EZH2: variants seen among roughly 807,000 people sequenced by gnomAD.
EZH2 encodes the protein enhancer of zeste 2 polycomb repressive complex 2 subunit.
A neutral mutation model predicts 98.4 loss-of-function variants in EZH2; 18 were observed. That is an observed-to-expected ratio of 0.18 (90% CI 0.13 to 0.27). EZH2 has a LOEUF of 0.27. Among genes scored for constraint, EZH2 ranks in the 10% least tolerant of loss-of-function variants. EZH2 has a pLI of 1.00. For missense variants in EZH2, 470 were observed against 935.1 expected, an observed-to-expected ratio of 0.50 and a Z score of 6.49; for synonymous variants, 338 against 312.3, an observed-to-expected ratio of 1.08 and a Z score of -0.87.
At chr7:148,837,904 A>G (rs1811315987) in intron 3 of EZH2, among the ~76,000 whole-genome samples, 1 of 152,222 alleles carries the variant, frequency 6.6e-6, no homozygotes. Context: ...GACCAATTCC[A>G]CATTGGGTGA....
At chr7:148,877,168 T>C (rs1054074243) in intron 1 of EZH2, among the ~76,000 whole-genome samples, 1 of 152,198 alleles carries the variant, frequency 6.6e-6, no homozygotes, top group Non-Finnish European at 1.5e-5. Context: ...TACATATTCA[T>C]ATATGAATAT....
chr7:148,847,128 G>C (rs1029049825), intron 2 of EZH2, 54 bp downstream of exon 2: 1 of 1,552,724 alleles, frequency 6.4e-7, no homozygotes, highest in Admixed American at 2.2e-5. Flanking sequence ...ACTTAGGAGG[G>C]GAAAAAACCT....
At chr7:148,827,495 A>C (rs959081151) in intron 6 of EZH2, among the ~76,000 whole-genome samples, 1 of 152,200 alleles carries the variant, frequency 6.6e-6, no homozygotes, top group African/African-American at 2.4e-5. Flanking sequence ...TGGGAAGCAG[A>C]AAACCTAGGT....
At chr7:148,816,993 C>T (rs1278104030) in intron 11 of EZH2, 3 of 593,630 alleles carry the variant, frequency 5.1e-6, no homozygotes, top group African/African-American at 1.9e-5. Context: ...TTCTTACTAG[C>T]TTTTAAAAGC....
rs71529646 is a variant in EZH2, at chr7:148,871,403, TAAAA to T, written c.-8+12757_-8+12760del. 2.1e-3 allele frequency among the ~76,000 whole-genome samples: 182 copies of T among 88,728 alleles called. 2 individuals carry two copies. The highest frequency in any genetic ancestry group is 9.4e-3 in the Middle Eastern group (1 of 106). The allele number at this position is 88,728 out of a possible 152,430, so 58.2% of individuals were successfully genotyped here. Reference sequence around the variant, plus strand: ...TTCCAAAAAATAAAAGACGAATAATTAAAAAAAAAAAAAAAAAAAAAAGAAGAGG... The same window carrying T: ...TTCCAAAAAATAAAAGACGAATAATTAAAAAAAAAAAAAAAAAAGAAGAGG... On this transcript the variant is annotated intron_variant, in intron 1 of 19. Transcript: ENST00000320356.
chr7:148,873,260 G>A (rs889223256), intron 1 of EZH2, among the ~76,000 whole-genome samples: 1 of 151,886 alleles, frequency 6.6e-6, no homozygotes, highest in Non-Finnish European at 1.5e-5. Flanking sequence ...GCAAGGCCAA[G>A]GCAGGCAGAT....
chr7:148,845,898 TTAA>T (rs1813888417), intron 3 of EZH2, among the ~76,000 whole-genome samples: 1 of 152,232 alleles, frequency 6.6e-6, no homozygotes, highest in Non-Finnish European at 1.5e-5. Flanking sequence ...AACGGGATAT[TTAA>T]TTATAGATTC....
intron 13 of EZH2, 31 bp downstream of exon 13, chr7:148,815,475 C>T (rs1329679286): frequency 6.9e-6 from 11 of 1,600,952 alleles, no homozygotes; most frequent in Non-Finnish European, 9.4e-6. Flanking sequence ...TATTGTTAAG[C>T]TAATAATGAG....
chr7:148,867,996 G>A (rs914453230), intron 1 of EZH2, among the ~76,000 whole-genome samples: 3 of 152,174 alleles, frequency 2.0e-5, no homozygotes, highest in Non-Finnish European at 4.4e-5. Flanking sequence ...CTTCATCTGA[G>A]ACTTCATCAG....
intron 1 of EZH2, among the ~76,000 whole-genome samples, chr7:148,847,773 T>C (rs996627360): frequency 6.6e-6 from 1 of 152,124 alleles, no homozygotes; most frequent in Non-Finnish European, 1.5e-5. Context: ...GTAGAAAACA[T>C]ACAGTTCACC....
chr7:148,848,897 A>G (rs938099789), intron 1 of EZH2, among the ~76,000 whole-genome samples: 1 of 151,960 alleles, frequency 6.6e-6, no homozygotes, highest in Admixed American at 6.6e-5. Flanking sequence ...TAATATTTGC[A>G]TATCACCTAT....
rs1328717365 is a variant in EZH2, at chr7:148,817,883, A to C, written c.1234T>G (p.Ser412Ala). The C allele has an allele frequency of 6.2e-7, 1 of 1,614,198 alleles. No homozygotes were observed. Among genetic ancestry groups the C allele is most frequent in the Admixed American group, 1.7e-5 (1 of 60,012 alleles). ...EEEKKDETSSSSEANSRCQTP... is the reference protein window; with the variant it reads ...EEEKKDETSSASEANSRCQTP... The stretch of plus-strand genomic sequence containing the variant: ...GTTATTAGACGTGTCTTACCAGAGG[A>C]GCTCGAAGTTTCATCTTTCTTCTCT... The change falls in exon 10 of 20, where the codon TCC becomes GCC. Residue 412 changes from serine to alanine, a missense_variant. Coordinates refer to ENST00000320356, the MANE Select transcript of EZH2 (RefSeq NM_004456.5).
Position 148,828,810 on chromosome 7 carries a change from G to T in EZH2, c.555C>A (p.Asp185Glu). The T allele has an allele frequency of 1.2e-6, 2 of 1,612,874 alleles. No homozygotes were observed. The highest frequency in any genetic ancestry group is 1.7e-6 in the Non-Finnish European group (2 of 1,179,624). Reference sequence around the variant, plus strand: ...CAGGATCGTCTCCATCATCATCATCGTCATCATCATTATATTGACCAAGGG... The same window carrying T: ...CAGGATCGTCTCCATCATCATCATCTTCATCATCATTATATTGACCAAGGG... ...VNALGQYNDD[D>E]DDDDGDDPEE... Residue 185 changes from aspartate to glutamate, a missense_variant, in exon 6 of 20, where the codon GAC (aspartate) becomes GAA (glutamate). This residue lies in a region of EZH2 where 69 missense variants were observed against 78.3 expected (regional missense o/e 0.88). Transcript: ENST00000320356.
chr7:148,850,755 GC>G (rs1195050413), intron 1 of EZH2, among the ~76,000 whole-genome samples: 1 of 151,976 alleles, frequency 6.6e-6, no homozygotes, highest in Non-Finnish European at 1.5e-5. Context: ...TCCCAAGACC[GC>G]CCCCCGCCAA....
chr7:148,839,108 A>AAGGAAGGAAGGAAGGAAG (rs1562998145), intron 3 of EZH2, among the ~76,000 whole-genome samples: 3 of 68,128 alleles, frequency 4.4e-5, no homozygotes, highest in African/African-American at 1.7e-4. Context: ...AAGGAAGGAA[A>AAGGAAGGAAGGAAGGAAG]GTGAGTGAGC....
intron 16 of EZH2, 83 bp downstream of exon 16, chr7:148,811,542 A>G: frequency 9.1e-7 from 1 of 1,097,062 alleles, no homozygotes; most frequent in Non-Finnish European, 1.3e-6. Flanking sequence ...TCAAACCCAC[A>G]GACTTACCTA....
intron 5 of EZH2, among the ~76,000 whole-genome samples, chr7:148,829,515 G>A (rs1458235874): frequency 6.6e-6 from 1 of 152,102 alleles, no homozygotes; most frequent in African/African-American, 2.4e-5. Flanking sequence ...ATAATTATCA[G>A]GTGGCAAACA....
chr7:148,862,654 C>G (rs1044044774), intron 1 of EZH2, among the ~76,000 whole-genome samples: 1 of 152,152 alleles, frequency 6.6e-6, no homozygotes, highest in Admixed American at 6.5e-5. Context: ...CACGTAAGTG[C>G]TTTTGCTCAA....
At chr7:148,878,035 G>C (rs1214077740) in intron 1 of EZH2, among the ~76,000 whole-genome samples, 1 of 151,882 alleles carries the variant, frequency 6.6e-6, no homozygotes, top group African/African-American at 2.4e-5. Context: ...ATCTGTAAAG[G>C]TTTTCGGAGT....
Sources: allele counts gnomAD v4.1 joint callset (sites outside exome capture counted in the v4.1 genomes callset), GRCh38; gene constraint gnomAD v4.1.1; regional missense constraint gnomAD v4.1.1; transcripts MANE v1.5; gene names NCBI Gene and HGNC (gene_info 2026-07-23, HGNC 2026-07-21).